The following LMNTD1 variants were observed in gnomAD, a reference collection of about 807,000 sequenced individuals.
The protein encoded by LMNTD1 is lamin tail domain-containing protein 1.
Under a neutral mutation model 50.9 loss-of-function variants are expected in LMNTD1, and 35 were observed. The ratio of observed to expected loss-of-function variants is 0.69; its 90% confidence interval spans 0.53 to 0.91. The LOEUF is 0.91. Ranked by LOEUF, LMNTD1 falls within the 40% of genes least tolerant of loss-of-function variation. The pLI, the probability that LMNTD1 is intolerant of heterozygous loss-of-function variation, is 0.00. For synonymous variants in LMNTD1, 153 were observed against 161.9 expected (o/e 0.94, Z 0.42); for missense variants, 470 against 475.5 (o/e 0.99, Z 0.11).
chr12:25,567,414 A>G (rs1203912771), intron 1 of LMNTD1, among the ~76,000 whole-genome samples: 1 of 152,196 alleles, frequency 6.6e-6, no homozygotes, highest in Non-Finnish European at 1.5e-5. Flanking sequence ...CTATATAGCT[A>G]TTATTTACCA....
intron 1 of LMNTD1, among the ~76,000 whole-genome samples, chr12:25,580,447 A>G (rs1945236195): frequency 1.3e-5 from 2 of 152,124 alleles, no homozygotes; most frequent in African/African-American, 4.8e-5. Flanking sequence ...TGCTGGCATT[A>G]TTTCAAATCT....
intron 1 of LMNTD1, among the ~76,000 whole-genome samples, chr12:25,612,838 A>G (rs1208275602): frequency 6.6e-6 from 1 of 152,176 alleles, no homozygotes; most frequent in African/African-American, 2.4e-5. Context: ...TATATGGCAA[A>G]AGTGACTTTC....
chr12:25,509,202 G>T (rs1477062968), intron 8 of LMNTD1, among the ~76,000 whole-genome samples: 2 of 152,260 alleles, frequency 1.3e-5, no homozygotes, highest in African/African-American at 4.8e-5. Flanking sequence ...CCGCCTCCCA[G>T]GTTCAAGCGA....
At chr12:25,593,409 C>G (rs1945758966) in intron 1 of LMNTD1, among the ~76,000 whole-genome samples, 1 of 152,194 alleles carries the variant, frequency 6.6e-6, no homozygotes, top group African/African-American at 2.4e-5. Flanking sequence ...ACCCCCAGTA[C>G]CAGCCTGGAG....
intron 4 of LMNTD1, among the ~76,000 whole-genome samples, chr12:25,544,225 T>C (rs1943282424): frequency 6.6e-6 from 1 of 151,970 alleles, no homozygotes; most frequent in South Asian, 2.1e-4. Flanking sequence ...TCTATTCGTT[T>C]GCTTTATATA....
chr12:25,610,009 G>C (rs111556495), intron 1 of LMNTD1, among the ~76,000 whole-genome samples: 1 of 152,190 alleles, frequency 6.6e-6, no homozygotes, highest in Non-Finnish European at 1.5e-5. Flanking sequence ...CCGAGTTCAA[G>C]CTTTCTGGCT....
chr12:25,645,847 C>T (rs146710255), intron 1 of LMNTD1, among the ~76,000 whole-genome samples: 1 of 152,254 alleles, frequency 6.6e-6, no homozygotes, highest in East Asian at 1.9e-4. Flanking sequence ...CTGTAAATAG[C>T]AGGTTCTCAG....
chr12:25,603,011 C>T (rs947106218), intron 1 of LMNTD1, among the ~76,000 whole-genome samples: 1 of 151,986 alleles, frequency 6.6e-6, no homozygotes, highest in Non-Finnish European at 1.5e-5. Context: ...TTCTGTAAGA[C>T]TATAAAGTTC....
intron 1 of LMNTD1, among the ~76,000 whole-genome samples, chr12:25,632,288 C>A (rs1946735818): frequency 6.6e-6 from 1 of 152,166 alleles, no homozygotes; most frequent in South Asian, 2.1e-4. Context: ...ACAAGAAGCA[C>A]AAAGAACACC....
intron 1 of LMNTD1, among the ~76,000 whole-genome samples, chr12:25,628,768 A>G (rs1946650243): frequency 6.6e-6 from 1 of 152,200 alleles, no homozygotes; most frequent in Non-Finnish European, 1.5e-5. Flanking sequence ...GCAAGGGATG[A>G]ATTCCCCTCG....
intron 9 of LMNTD1, among the ~76,000 whole-genome samples, chr12:25,490,862 T>G (rs534894859): frequency 6.6e-6 from 1 of 152,340 alleles, no homozygotes; most frequent in African/African-American, 2.4e-5. Flanking sequence ...CTGGGTGGGT[T>G]CTAAGATCTT....
chr12:25,509,041 T>C lies in LMNTD1; in HGVS notation c.1190-5241A>G, dbSNP rs1261583183. On this transcript the variant is annotated intron_variant, in intron 8 of 9. Coordinates refer to ENST00000458174, the MANE Select transcript of LMNTD1 (RefSeq NM_001145728.2). ...TGATATATTATCCCTAAATATCCCA[T>C]GTATCAAAGAAGATATTACGTTGGA... Among the ~76,000 whole-genome samples the C allele has an allele frequency of 3.9e-5, 6 of 152,214 alleles. No individual in the cohort carries two copies. The East Asian group carries it at 9.6e-4, about 24-fold the overall frequency.
chr12:25,563,363 A>G (rs1012746145), intron 1 of LMNTD1, among the ~76,000 whole-genome samples: 1 of 152,258 alleles, frequency 6.6e-6, no homozygotes, highest in Admixed American at 6.5e-5. Flanking sequence ...TCCTTCTAAC[A>G]GTCAGGACTC....
chr12:25,553,121 A>T lies in LMNTD1; in HGVS notation c.-83T>A. On this transcript the variant is annotated 5_prime_UTR_variant, in exon 1 of 10. It introduces an in-frame stop codon into an upstream open reading frame of the 5' UTR. Coordinates refer to ENST00000458174, the MANE Select transcript of LMNTD1 (RefSeq NM_001145728.2). ...AGCTAGGTTTAATAATTTCTTTACC[A>T]AACTAGTACCAGAACCACAATTCTC... 1 of 1,612,686 alleles carries T rather than the reference A, an allele frequency of 6.2e-7. No homozygotes were observed. Among genetic ancestry groups the T allele is most frequent in the East Asian group, 2.2e-5 (1 of 44,870 alleles).
chr12:25,537,495 G>A (rs936594004), intron 4 of LMNTD1, among the ~76,000 whole-genome samples: 2 of 151,996 alleles, frequency 1.3e-5, no homozygotes, highest in African/African-American at 4.8e-5. Context: ...TACTCCAACA[G>A]ACCTGCAGCT....
At chr12:25,641,205 T>A (rs974503673) in intron 1 of LMNTD1, among the ~76,000 whole-genome samples, 5 of 152,178 alleles carry the variant, frequency 3.3e-5, no homozygotes, top group Admixed American at 3.3e-4. Flanking sequence ...AGTATTCTGT[T>A]TTTATTAATG....
At chr12:25,494,157 C>A (rs923550728) in intron 9 of LMNTD1, among the ~76,000 whole-genome samples, 8 of 152,186 alleles carry the variant, frequency 5.3e-5, no homozygotes, top group African/African-American at 1.9e-4. Flanking sequence ...CTCCTTCTGT[C>A]TGAACTCTAT....
At position 25,527,681 on chromosome 12, in the gene LMNTD1, T is replaced by TATATATATATAC. The variant is rs1463259109; in HGVS notation, c.492-727_492-726insGTATATATATAT. ...ATATATATATATATATATATATATA[T>TATATATATATAC]ACACACACACACACACACACACACA... On this transcript the variant is annotated intron_variant, in intron 4 of 9. Transcript: ENST00000458174. Among the ~76,000 whole-genome samples the TATATATATATAC allele has an allele frequency of 5.6e-4, 18 of 32,346 alleles. 1 individual carries two copies. The highest frequency in any genetic ancestry group is 8.8e-4 in the Non-Finnish European group (15 of 17,102). The allele number at this position is 32,346 out of a possible 152,430, so 21.2% of individuals were successfully genotyped here.
intron 9 of LMNTD1, among the ~76,000 whole-genome samples, chr12:25,484,701 G>C (rs1046425572): frequency 2.3e-5 from 3 of 130,432 alleles, no homozygotes; most frequent in African/African-American, 9.0e-5. Flanking sequence ...TCCCCTTCCT[G>C]TGTCCATGTG....
Sources: allele counts gnomAD v4.1 joint callset (sites outside exome capture counted in the v4.1 genomes callset), GRCh38; gene constraint gnomAD v4.1.1; transcripts MANE v1.5; gene names NCBI Gene and HGNC (gene_info 2026-07-23, HGNC 2026-07-21).